Variants in SCML4 observed in about 807,000 individuals in gnomAD.
SCML4 encodes the protein sex comb on midleg-like protein 4.
SCML4 carries 34 observed loss-of-function variants against 41.1 expected under a neutral mutation model. That is an observed-to-expected ratio of 0.83 (90% confidence interval 0.63 to 1.10). SCML4 has a LOEUF of 1.10. Among genes scored for constraint, SCML4 ranks in the 50% least tolerant of loss-of-function variants. The pLI is 0.00. For missense variants in SCML4, 522 were observed against 534.1 expected (o/e 0.98, Z 0.22); for synonymous variants, 214 against 220.9 (o/e 0.97, Z 0.28).
At chr6:107,758,959 G>A (rs890490744) in intron 2 of SCML4, among the ~76,000 whole-genome samples, 6 of 152,040 alleles carry the variant, frequency 3.9e-5, no homozygotes, top group South Asian at 2.1e-4. Context: ...AAACACACAA[G>A]CTAGTTTTCA....
chr6:107,827,024 C>T (rs565859097), upstream of SCML4, among the ~76,000 whole-genome samples: 15 of 151,900 alleles, frequency 9.9e-5, no homozygotes, highest in Non-Finnish European at 1.9e-4. Context: ...GATCACGCCA[C>T]TGCACTACAG....
intron 5 of SCML4, chr6:107,739,975 G>A: frequency 2.7e-6 from 1 of 373,992 alleles, no homozygotes; most frequent in Non-Finnish European, 5.2e-6. Context: ...CAGCTCTGCT[G>A]AGAAATCAGT....
chr6:107,757,072 C>T (rs996581132), intron 2 of SCML4, among the ~76,000 whole-genome samples: 23 of 152,188 alleles, frequency 1.5e-4, no homozygotes, highest in African/African-American at 5.3e-4. Context: ...TGGGACAAAG[C>T]GGTAGGGCAA....
intron 5 of SCML4, among the ~76,000 whole-genome samples, chr6:107,731,502 G>A (rs1016574092): frequency 6.6e-6 from 1 of 151,982 alleles, no homozygotes; most frequent in Non-Finnish European, 1.5e-5. Context: ...CCCACTTCCC[G>A]CATCAGTCTT....
chr6:107,748,432 T>C (rs1002462725), intron 3 of SCML4, among the ~76,000 whole-genome samples: 3 of 152,082 alleles, frequency 2.0e-5, no homozygotes, highest in African/African-American at 7.3e-5. Context: ...TGCTATAGTC[T>C]CAAGACAAGC....
intron 1 of SCML4, among the ~76,000 whole-genome samples, chr6:107,802,431 T>C (rs533744400): frequency 6.6e-6 from 1 of 152,070 alleles, no homozygotes; most frequent in South Asian, 2.1e-4. Flanking sequence ...AGTCCTGTGG[T>C]GGACAGTTCA....
intron 1 of SCML4, among the ~76,000 whole-genome samples, chr6:107,810,499 G>C (rs150985755): frequency 6.6e-6 from 1 of 152,146 alleles, no homozygotes; most frequent in Admixed American, 6.5e-5. Context: ...TCTTTAAAAG[G>C]GATCTGGAGA....
chr6:107,766,899 A>G (rs11153080), intron 2 of SCML4, among the ~76,000 whole-genome samples: 39,333 of 151,752 alleles, frequency 0.26, 6,497 homozygotes, highest in African/African-American at 0.47. Context: ...CTGGAAAGAG[A>G]CACAGGAAGG....
intron 5 of SCML4, among the ~76,000 whole-genome samples, chr6:107,736,076 C>T (rs1273675896): frequency 2.6e-5 from 4 of 152,098 alleles, no homozygotes; most frequent in South Asian, 2.1e-4. Context: ...AGGAAGTTCC[C>T]TGGCAGCTGG....
At chr6:107,806,550 G>T (rs1783745449) in intron 1 of SCML4, among the ~76,000 whole-genome samples, 1 of 152,144 alleles carries the variant, frequency 6.6e-6, no homozygotes, top group African/African-American at 2.4e-5. Flanking sequence ...CTTAATGCTG[G>T]CCTCTGGTGG....
upstream of SCML4, among the ~76,000 whole-genome samples, chr6:107,827,645 G>A (rs1049167027): frequency 3.9e-5 from 6 of 152,096 alleles, no homozygotes; most frequent in Admixed American, 1.3e-4. Flanking sequence ...CCATGAAAAG[G>A]GTGCTTAGGT....
rs568374434 is a variant in SCML4 at position 107,704,375 on chromosome 6, A to G, written c.*825T>C. On this transcript the variant is annotated 3_prime_UTR_variant, in exon 8 of 8. Transcript: ENST00000369020. The stretch of plus-strand genomic sequence containing the variant: ...GTGCTTCCAAATTCTTGCCTTTGCT[A>G]GTTGAGTATCAGTCAGTCAGTCAAT... 9 of 152,342 alleles carry G rather than the reference A, an allele frequency of 5.9e-5. No individual in the cohort carries two copies. The highest frequency in any genetic ancestry group is 2.6e-4 in the Admixed American group (4 of 15,308). The allele number at this position is 152,342 out of a possible 1,614,324, so 9.4% of individuals were successfully genotyped here.
At chr6:107,783,756 G>A (rs1781672772) in intron 1 of SCML4, among the ~76,000 whole-genome samples, 1 of 152,186 alleles carries the variant, frequency 6.6e-6, no homozygotes, top group Admixed American at 6.5e-5. Context: ...TTGCCTGATG[G>A]GAGGTGCTGG....
intron 5 of SCML4, among the ~76,000 whole-genome samples, chr6:107,736,818 T>C (rs1350997407): frequency 6.6e-6 from 1 of 152,122 alleles, no homozygotes; most frequent in African/African-American, 2.4e-5. Context: ...TGGGAGGGTG[T>C]TCTGGTGCCT....
intron 2 of SCML4, among the ~76,000 whole-genome samples, chr6:107,768,140 A>G (rs6912181): frequency 1 from 151,276 of 151,642 alleles, 75,458 homozygotes; most frequent in Non-Finnish European, 1. Context: ...AGGCATGGTG[A>G]CGTGCATCTG....
intron 4 of SCML4, 61 bp downstream of exon 4, chr6:107,746,628 G>A: frequency 6.8e-7 from 1 of 1,476,746 alleles, no homozygotes; most frequent in South Asian, 1.2e-5. Context: ...GCCTGAGTAT[G>A]GCTGCTTCCT....
chr6:107,748,644 T>C lies in SCML4; in HGVS notation c.286+1040A>G, dbSNP rs76429435. Among the ~76,000 whole-genome samples, 780 of 152,348 alleles carry C rather than the reference T, an allele frequency of 5.1e-3. 11 individuals are homozygous for C. In the East Asian group the frequency reaches 0.064, roughly 12 times the overall value. ...AGACCTTCATACAGGCACTATGCCA[T>C]GCCCTACAAAGAAAGCTTGAACAAA... On this transcript the variant is annotated intron_variant, in intron 3 of 7. Transcript: ENST00000369020.
intron 1 of SCML4, among the ~76,000 whole-genome samples, chr6:107,822,939 C>T (rs1324203184): frequency 6.6e-6 from 1 of 151,874 alleles, no homozygotes; most frequent in South Asian, 2.1e-4. Context: ...TATTATACCC[C>T]CCAGATAGTT....
chr6:107,779,638 C>T (rs1181176612), intron 1 of SCML4, among the ~76,000 whole-genome samples: 1 of 152,144 alleles, frequency 6.6e-6, no homozygotes, highest in Non-Finnish European at 1.5e-5. Flanking sequence ...ACTGTCATTT[C>T]GAAAACACAA....
Sources: allele counts gnomAD v4.1 joint callset (sites outside exome capture counted in the v4.1 genomes callset), GRCh38; gene constraint gnomAD v4.1.1; transcripts MANE v1.5; gene names NCBI Gene and HGNC (gene_info 2026-07-23, HGNC 2026-07-21).